The following ABR variants were observed in gnomAD, a reference collection of about 807,000 sequenced individuals.
ABR encodes the protein active breakpoint cluster region-related protein.
Under a neutral mutation model 107.2 loss-of-function variants are expected in ABR, and 35 were observed. That is an observed-to-expected ratio of 0.33 (90% CI 0.25 to 0.43). The LOEUF is 0.43. Among genes scored for constraint, ABR ranks in the 20% least tolerant of loss-of-function variants. The pLI is 1.00. For synonymous variants in ABR, 498 were observed against 462.0 expected (o/e 1.08, Z -1.00); for missense variants, 815 against 1,115.2 (o/e 0.73, Z 3.83).
intron 1 of ABR, among the ~76,000 whole-genome samples, chr17:1,129,284 T>A (rs1212388523): frequency 6.6e-6 from 1 of 152,168 alleles, no homozygotes; most frequent in Non-Finnish European, 1.5e-5. Context: ...ACGCCTGTAA[T>A]CCCAGCACTG....
chr17:1,005,234 A>G lies in ABR; in HGVS notation c.*846T>C. On this transcript the variant is annotated 3_prime_UTR_variant, in exon 23 of 23. Coordinates refer to ENST00000302538, the MANE Select transcript of ABR (RefSeq NM_021962.5). ...TTACACTCAAAGGAAATAGAACAGCAGGGAAGGGAACTGAAAAGCAGTAGA... is the reference window on the plus strand; with the variant it reads ...TTACACTCAAAGGAAATAGAACAGCGGGGAAGGGAACTGAAAAGCAGTAGA... 2.5e-6 allele frequency: 1 copy of G among 398,664 alleles called. No homozygotes were observed. The highest frequency in any genetic ancestry group is 4.4e-6 in the Non-Finnish European group (1 of 226,082). The allele number at this position is 398,664 out of a possible 1,614,324, so 24.7% of individuals were successfully genotyped here.
At chr17:1,041,651 T>G (rs999545532) in intron 16 of ABR, among the ~76,000 whole-genome samples, 2 of 152,146 alleles carry the variant, frequency 1.3e-5, no homozygotes, top group Non-Finnish European at 2.9e-5. Flanking sequence ...GAGAATCACT[T>G]GAACCCGGGA....
intron 5 of ABR, among the ~76,000 whole-genome samples, chr17:1,082,483 T>G (rs1371957812): frequency 1.5e-5 from 2 of 135,400 alleles, no homozygotes; most frequent in South Asian, 4.9e-4. Flanking sequence ...CCCGGCCAGG[T>G]AGGCTGGGCC....
rs1234897013 is a variant in ABR, at chr17:1,179,003, TG to T, written c.61+663del. ...AGGGGGTGGAGAACTCGAGAAGGTT[TG>T]TTTTTTTTTTCTTCTGAGGGTGGTG... is the stretch of plus-strand genomic sequence containing the variant. On this transcript the variant is annotated intron_variant, in intron 1 of 22. Coordinates refer to ENST00000302538, the MANE Select transcript of ABR (RefSeq NM_021962.5). This position sits in a 1 kb window ranked among gnomAD's most constrained non-coding sequence, Gnocchi z 4.9. Among the ~76,000 whole-genome samples the T allele has an allele frequency of 6.7e-6, 1 of 149,170 alleles. No homozygotes were observed. The highest frequency in any genetic ancestry group is 1.5e-5 in the Non-Finnish European group (1 of 67,626).
intron 1 of ABR, among the ~76,000 whole-genome samples, chr17:1,173,310 C>CCCCG (rs2041810515): frequency 2.2e-5 from 1 of 45,158 alleles, no homozygotes. Context: ...CAGTCCACCC[C>CCCCG]CCCCATCACC....
In ABR at chr17:1,042,053, G is replaced by C. The variant is rs541471502; in HGVS notation, c.1791+7997C>G. Among the ~76,000 whole-genome samples, 345 of 152,330 alleles carry C rather than the reference G, an allele frequency of 2.3e-3. 1 individual carries two copies. The highest frequency in any genetic ancestry group is 7.9e-3 in the African/African-American group (330 of 41,572). On this transcript the variant is annotated intron_variant, in intron 16 of 22. Transcript: ENST00000302538. ...ACAGCTGGGAGGCAGGTGGGGGACA[G>C]AGCTTGGGTCTGGAGAGAAGGAGGC...
intron 3 of ABR, among the ~76,000 whole-genome samples, chr17:1,097,407 A>G (rs2037543039): frequency 6.6e-6 from 1 of 152,096 alleles, no homozygotes; most frequent in South Asian, 2.1e-4. Flanking sequence ...CCTGGCCAAC[A>G]TGGTGAAATC....
Position 1,092,296 on chromosome 17 carries a change from G to A in ABR, c.346-446C>T, listed in dbSNP as rs2037084610. Among the ~76,000 whole-genome samples the A allele has an allele frequency of 1.3e-5, 2 of 152,124 alleles. No individual in the cohort carries two copies. Among genetic ancestry groups the A allele is most frequent in the Non-Finnish European group, 1.5e-5 (1 of 68,038 alleles). ...TGTGGTTCTAGGACTCAGAAGGTAGGGACCCGAAGTTACTCAAGACCAGTC... is the reference window on the plus strand; with the variant it reads ...TGTGGTTCTAGGACTCAGAAGGTAGAGACCCGAAGTTACTCAAGACCAGTC... On this transcript the variant is annotated intron_variant, in intron 3 of 22. Transcript: ENST00000302538. This position sits in a 1 kb window ranked among gnomAD's most constrained non-coding sequence, Gnocchi z 4.6.
upstream of ABR, among the ~76,000 whole-genome samples, chr17:1,187,903 A>C (rs915801663): frequency 1.3e-5 from 2 of 150,212 alleles, no homozygotes; most frequent in Admixed American, 6.7e-5. Context: ...CTCAAAATAA[A>C]TAAATAAATA....
chr17:1,032,495 T>C (rs1295652626), intron 16 of ABR, among the ~76,000 whole-genome samples: 1 of 152,046 alleles, frequency 6.6e-6, no homozygotes, highest in East Asian at 1.9e-4. Flanking sequence ...CTTTGAACCA[T>C]GGCCCTTTGC....
intron 16 of ABR, among the ~76,000 whole-genome samples, chr17:1,028,180 T>C (rs1000862964): frequency 2.8e-4 from 42 of 151,728 alleles, no homozygotes; most frequent in Non-Finnish European, 5.3e-4. Context: ...AACCTCCACC[T>C]CCCAGGTTCA....
chr17:1,206,559 A>C (rs530260635), intron 1 of ABR, among the ~76,000 whole-genome samples: 13 of 152,266 alleles, frequency 8.5e-5, no homozygotes, highest in African/African-American at 2.6e-4. Flanking sequence ...AAAAGTGGAA[A>C]TAACCAGCTT....
intron 1 of ABR, among the ~76,000 whole-genome samples, chr17:1,213,582 G>A (rs561514022): frequency 6.6e-6 from 1 of 152,020 alleles, no homozygotes; most frequent in South Asian, 2.1e-4. Context: ...AAGTAGAGGC[G>A]GGGTTTCACC....
chr17:1,083,849 G>A (rs950273177), intron 4 of ABR: 1 of 526,422 alleles, frequency 1.9e-6, no homozygotes, highest in Admixed American at 3.1e-5. Flanking sequence ...TTAATGAGGG[G>A]GTCTGGGGTT....
In ABR at chr17:1,070,537, G is replaced by A. The variant is rs1258227281; in HGVS notation, c.895-447C>T. 3.3e-5 allele frequency among the ~76,000 whole-genome samples: 5 copies of A among 152,096 alleles called. No homozygotes were observed. The highest frequency in any genetic ancestry group is 6.5e-5 in the Admixed American group (1 of 15,280). On this transcript the variant is annotated intron_variant, in intron 8 of 22. Coordinates refer to ENST00000302538, the MANE Select transcript of ABR (RefSeq NM_021962.5). The surrounding 1 kb of genome is among the most constrained non-coding windows in gnomAD (Gnocchi z 4.2). Reference sequence around the variant, plus strand: ...CCCGTTTGCAATCCCTCCCGACCGCGGCGGCGAACTTCATCTAGCCCCGGC... The same window carrying A: ...CCCGTTTGCAATCCCTCCCGACCGCAGCGGCGAACTTCATCTAGCCCCGGC...
At chr17:1,219,254 G>A (rs576957988) in intron 1 of ABR, among the ~76,000 whole-genome samples, 17 of 151,962 alleles carry the variant, frequency 1.1e-4, no homozygotes, top group Non-Finnish European at 1.9e-4. Context: ...ATGTTGACCA[G>A]GCAGGTCTCA....
chr17:1,146,255 A>G (rs536229257), intron 1 of ABR, among the ~76,000 whole-genome samples: 75 of 125,176 alleles, frequency 6.0e-4, no homozygotes, highest in South Asian at 2.6e-3. Context: ...ACGCAGGCAC[A>G]TGGAGACACA....
chr17:1,101,582 T>C (rs1177291283), intron 2 of ABR, among the ~76,000 whole-genome samples: 1 of 152,156 alleles, frequency 6.6e-6, no homozygotes, highest in Admixed American at 6.5e-5. Flanking sequence ...ACGCGAGTAC[T>C]TGGGGATTCC....
chr17:1,031,928 CATCCCTCCT>C, intron 16 of ABR: 1 of 1,021,696 alleles, frequency 9.8e-7, no homozygotes, highest in East Asian at 3.4e-5. Flanking sequence ...CCCTCCTCCG[CATCCCTCCT>C]TCCCCGCCCT....
Sources: gnomAD v4.1 joint callset for allele counts (sites outside exome capture counted in the v4.1 genomes callset) on GRCh38, gnomAD v4.1.1 for gene constraint, Gnocchi (gnomAD v3.1) non-coding constraint, MANE v1.5 for transcripts, NCBI Gene and HGNC (gene_info 2026-07-23, HGNC 2026-07-21) for gene names.